Variants in CDH23 observed in about 807,000 individuals in gnomAD.
CDH23 encodes the protein cadherin related 23, also known as cadherin-23.
CDH23 carries 189 observed loss-of-function variants against 317.1 expected under a neutral mutation model. That is an observed-to-expected ratio of 0.60 (90% CI 0.53 to 0.67). The LOEUF is 0.67. Ranked by LOEUF, CDH23 falls within the 30% of genes least tolerant of loss-of-function variation. The pLI, the probability that CDH23 is intolerant of heterozygous loss-of-function variation, is 0.00. For synonymous variants in CDH23, 1,839 were observed against 1,876.8 expected, an observed-to-expected ratio of 0.98 and a Z score of 0.52; for missense variants, 4,401 against 4,592.4, an observed-to-expected ratio of 0.96 and a Z score of 1.20.
chr10:71,578,797 G>A (rs1330174116), intron 9 of CDH23, among the ~76,000 whole-genome samples: 5 of 152,162 alleles, frequency 3.3e-5, no homozygotes, highest in African/African-American at 1.2e-4. Flanking sequence ...ATCTGGGCAG[G>A]CCAGGTTGAT....
At chr10:71,812,443 T>TTG in intron 66 of CDH23, 37 bp from the exon 67 acceptor site, 2 of 1,538,020 alleles carry the variant, frequency 1.3e-6, no homozygotes, top group Non-Finnish European at 1.8e-6. Context: ...ACTCGAGCCT[T>TTG]CCCTCCCTCC....
At chr10:71,724,021 A>G in intron 28 of CDH23, 24 bp from the exon 29 acceptor site, 1 of 1,553,638 alleles carries the variant, frequency 6.4e-7, no homozygotes, top group Non-Finnish European at 8.7e-7. Flanking sequence ...TTCAAGAAGT[A>G]ACTCGTGTCT....
chr10:71,624,195 A>T (rs10999918), intron 11 of CDH23, among the ~76,000 whole-genome samples: 35,569 of 151,912 alleles, frequency 0.23, 4,578 homozygotes, highest in Non-Finnish European at 0.3. Context: ...CGGCAAACCC[A>T]GCTCCCACTT....
chr10:71,436,223 C>G (rs1489286299), intron 1 of CDH23, among the ~76,000 whole-genome samples: 1 of 152,226 alleles, frequency 6.6e-6, no homozygotes, highest in Non-Finnish European at 1.5e-5. Flanking sequence ...GTGCATCTAC[C>G]CCTGACTGAT....
At chr10:71,776,355 A>T (rs1029840963) in intron 38 of CDH23, among the ~76,000 whole-genome samples, 1 of 152,082 alleles carries the variant, frequency 6.6e-6, no homozygotes, top group Non-Finnish European at 1.5e-5. Flanking sequence ...CAAGGAAAAA[A>T]CCATATGCAA....
At position 71,566,747 on chromosome 10, in the gene CDH23, A is replaced by C. The variant is rs1214027680; in HGVS notation, c.435A>C (p.Thr145=). 6.2e-7 allele frequency: 1 copy of C among 1,601,516 alleles called. No homozygotes were observed. The highest frequency in any genetic ancestry group is 8.5e-7 in the Non-Finnish European group (1 of 1,171,814). The change falls in exon 7 of 70, where the codon ACA becomes ACC. Residue 145 remains threonine, a synonymous_variant. Coordinates refer to ENST00000224721, the MANE Select transcript of CDH23 (RefSeq NM_022124.6). The part of the protein sequence containing the change: ...QPYSVRIPEN[T]PVGTPIFIVN... ...TGCTTTGCTCTCATCCCCAGAATAC[A>C]CCAGTGGGGACGCCCATCTTCATCG... is the stretch of plus-strand genomic sequence containing the variant.
chr10:71,755,272 T>C, intron 38 of CDH23: 1 of 1,172,564 alleles, frequency 8.5e-7, no homozygotes, highest in Admixed American at 2.2e-5. Context: ...GCCTGCATCG[T>C]GCCTTTGCGA....
intron 8 of CDH23, among the ~76,000 whole-genome samples, chr10:71,576,335 C>T (rs1406782393): frequency 6.6e-6 from 1 of 152,184 alleles, no homozygotes; most frequent in African/African-American, 2.4e-5. Flanking sequence ...GCCAGGAGAG[C>T]ACGGAGCAAC....
chr10:71,799,021 C>A, intron 50 of CDH23, 90 bp from the exon 51 acceptor site: 1 of 1,287,176 alleles, frequency 7.8e-7, no homozygotes. Flanking sequence ...CACAGCTGCC[C>A]CTCGGAGTCC....
intron 3 of CDH23, among the ~76,000 whole-genome samples, chr10:71,476,139 G>A (rs894368306): frequency 6.6e-6 from 1 of 152,110 alleles, no homozygotes; most frequent in Non-Finnish European, 1.5e-5. Context: ...TATTTAAATA[G>A]GGCATCAACA....
chr10:71,812,272 C>T (rs1350487441), intron 66 of CDH23: 1 of 1,599,090 alleles, frequency 6.3e-7, no homozygotes. Context: ...GCCTCTGCAC[C>T]AAAGGCAATC....
intron 30 of CDH23, 121 bp downstream of exon 30, chr10:71,725,641 A>G (rs1397151087): frequency 1.7e-6 from 2 of 1,187,162 alleles, no homozygotes; most frequent in Non-Finnish European, 2.3e-6. Flanking sequence ...TAGGTGCTGA[A>G]TGACATCTGG....
Position 71,751,296 on chromosome 10 carries a change from A to C in CDH23, c.4845+9375A>C. 6.2e-7 allele frequency: 1 copy of C among 1,609,896 alleles called. No homozygotes were observed. The highest frequency in any genetic ancestry group is 1.3e-5 in the African/African-American group (1 of 74,990). ...TGGAGAGTCAGGGACAGGGTCTGCA[A>C]GAAAAGGAGAAGCAAAGTGAACGGG... On this transcript the variant is annotated intron_variant, in intron 38 of 69. Coordinates refer to ENST00000224721, the MANE Select transcript of CDH23 (RefSeq NM_022124.6). The surrounding 1 kb of genome is among the most constrained non-coding windows in gnomAD (Gnocchi z 4.9).
chr10:71,510,324 C>A lies in CDH23; in HGVS notation c.288+100C>A, dbSNP rs998322600. 53 of 1,347,642 alleles carry A rather than the reference C, an allele frequency of 3.9e-5. 1 individual carries two copies. In the South Asian group the frequency reaches 6.8e-4, roughly 17 times the overall value. The allele number at this position is 1,347,642 out of a possible 1,614,324, so 83.5% of individuals were successfully genotyped here. ...CATCTTTTGGCGTCTTCCTCTAAGA[C>A]CCCATTCTGACTCCACAGTGGCATC... On this transcript the variant is annotated intron_variant, in intron 4 of 69. Coordinates refer to ENST00000224721, the MANE Select transcript of CDH23 (RefSeq NM_022124.6).
At chr10:71,402,079 A>G (rs1477978071) in intron 1 of CDH23, among the ~76,000 whole-genome samples, 1 of 152,324 alleles carries the variant, frequency 6.6e-6, no homozygotes, top group East Asian at 1.9e-4. Flanking sequence ...GGATCTGTCA[A>G]TGGTGAGTGG....
At chr10:71,688,674 GGGGTGGTGGAGCCAAC>G (rs1865019698) in intron 19 of CDH23, among the ~76,000 whole-genome samples, 1 of 133,366 alleles carries the variant, frequency 7.5e-6, no homozygotes, top group Non-Finnish European at 1.6e-5. Context: ...GGTGGAGTCA[GGGGTGGTGGAGCCAAC>G]GGTGGTGGAG....
intron 50 of CDH23, 39 bp from the exon 51 acceptor site, chr10:71,799,072 G>A (rs1312259498): frequency 6.3e-7 from 1 of 1,583,824 alleles, no homozygotes; most frequent in South Asian, 1.1e-5. Context: ...CCATGAATGA[G>A]GAGTGGCCAA....
intron 6 of CDH23, among the ~76,000 whole-genome samples, chr10:71,518,617 C>T (rs752396796): frequency 5.9e-5 from 9 of 152,302 alleles, no homozygotes; most frequent in Non-Finnish European, 1.3e-4. Context: ...GAGGCACCTC[C>T]GTGATTTCGG....
chr10:71,744,494 T>C (rs1399675662), intron 38 of CDH23, among the ~76,000 whole-genome samples: 1 of 152,158 alleles, frequency 6.6e-6, no homozygotes, highest in East Asian at 1.9e-4. Context: ...ATCCAAGCAA[T>C]CCTTTAAAAT....
Sources: gnomAD v4.1 joint callset for allele counts (sites outside exome capture counted in the v4.1 genomes callset) on GRCh38, gnomAD v4.1.1 for gene constraint, Gnocchi (gnomAD v3.1) non-coding constraint, MANE v1.5 for transcripts, NCBI Gene and HGNC (gene_info 2026-07-23, HGNC 2026-07-21) for gene names.